RER1: variants seen among roughly 807,000 people sequenced by gnomAD.
RER1 encodes the protein protein RER1.
Under a neutral mutation model 28.3 loss-of-function variants are expected in RER1, and 6 were observed. That is an observed-to-expected ratio of 0.21 (90% CI 0.12 to 0.42). RER1 has a LOEUF of 0.42. Ranked by LOEUF, RER1 falls within the 10% of genes least tolerant of loss-of-function variation. The pLI, the probability that RER1 is intolerant of heterozygous loss-of-function variation, is 1.00. For synonymous variants in RER1, 110 were observed against 95.9 expected (o/e 1.15, Z -0.86); for missense variants, 159 against 252.9 (o/e 0.63, Z 2.52).
At chr1:2,401,385 T>A (rs1175339314) in intron 5 of RER1, among the ~76,000 whole-genome samples, 1 of 40,344 alleles carries the variant, frequency 2.5e-5, no homozygotes, top group Non-Finnish European at 4.5e-5. Flanking sequence ...TCCCTCCTCC[T>A]CCCTCCTCCT....
chr1:2,392,415 G>GT (rs1448301725), intron 1 of RER1, among the ~76,000 whole-genome samples: 1 of 152,248 alleles, frequency 6.6e-6, no homozygotes, highest in Non-Finnish European at 1.5e-5. Context: ...AAGCTCTGGG[G>GT]TGAAGGCGTT....
At chr1:2,402,150 G>A (rs779071254) in intron 5 of RER1, 57 bp from the exon 6 acceptor site, 15 of 1,613,818 alleles carry the variant, frequency 9.3e-6, no homozygotes, top group South Asian at 3.3e-5. Context: ...GGAGGCGGCC[G>A]GCAGGTGCCC....
intron 3 of RER1, among the ~76,000 whole-genome samples, chr1:2,398,755 A>T (rs1053380162): frequency 2.0e-5 from 3 of 152,260 alleles, no homozygotes; most frequent in African/African-American, 7.2e-5. Flanking sequence ...TAATCATTTT[A>T]AAAAATGAAT....
intron 5 of RER1, among the ~76,000 whole-genome samples, chr1:2,401,278 CCCTCCTCCTT>C (rs1642849552): frequency 2.0e-5 from 2 of 100,060 alleles, no homozygotes; most frequent in African/African-American, 3.5e-5. Flanking sequence ...CCTCCCTCCT[CCCTCCTCCTT>C]CCTCCCTCCT....
In RER1 at chr1:2,403,106, C is replaced by T; in HGVS notation, c.573C>T (p.Gly191=). ...GGTACAGAGGCAAGGAGGATGCCGG[C>T]AAGGCCTTCGCCAGCTAGAAGCGGG... The part of the protein sequence containing the change: ...KRRYRGKEDA[G]KAFAS The change falls in exon 7 of 7, where the codon GGC becomes GGT. Residue 191 remains glycine, a synonymous_variant. Transcript: ENST00000605895. 1 of 1,614,070 alleles carries T rather than the reference C, an allele frequency of 6.2e-7. No homozygotes were observed. The highest frequency in any genetic ancestry group is 8.5e-7 in the Non-Finnish European group (1 of 1,179,946).
chr1:2,395,801 G>C lies in RER1; in HGVS notation c.11G>C (p.Gly4Ala). The change falls in exon 2 of 7, where the codon GGG becomes GCG. Residue 4 changes from glycine (G) to alanine (A), a missense_variant. Gly to Ala is a moderately conservative substitution (Grantham distance 60, BLOSUM62 0). Coordinates refer to ENST00000605895, the MANE Select transcript of RER1 (RefSeq NM_007033.5). The part of the protein sequence containing the change: MSE[G>A]DSVGESVHGK... The stretch of plus-strand genomic sequence containing the variant: ...TCTCCCAGTTACAGAATGTCTGAAG[G>C]GGACAGTGTGGGAGAATCCGTCCAT... 1 of 1,612,986 alleles carries C rather than the reference G, an allele frequency of 6.2e-7. No homozygotes were observed. Among genetic ancestry groups the C allele is most frequent in the Non-Finnish European group, 8.5e-7 (1 of 1,178,912 alleles).
intron 6 of RER1, 130 bp from the exon 7 acceptor site, chr1:2,402,905 C>T (rs1465956611): frequency 6.9e-6 from 5 of 726,094 alleles, no homozygotes; most frequent in Non-Finnish European, 1.2e-5. Context: ...CGCAGGAAGC[C>T]ACTGGGGCTC....
intron 1 of RER1, among the ~76,000 whole-genome samples, chr1:2,392,869 G>T (rs561278775): frequency 3.3e-5 from 5 of 152,316 alleles, no homozygotes; most frequent in South Asian, 2.1e-4. Context: ...CTGGAATGTG[G>T]CCTTGGGAAG....
chr1:2,392,602 C>T (rs1029708382), intron 1 of RER1, among the ~76,000 whole-genome samples: 1 of 152,360 alleles, frequency 6.6e-6, no homozygotes, highest in Non-Finnish European at 1.5e-5. Context: ...GCCTAAGTAC[C>T]TTCAGTGGGC....
chr1:2,395,685 T>C, intron 1 of RER1, 99 bp from the exon 2 acceptor site: 2 of 840,174 alleles, frequency 2.4e-6, no homozygotes, highest in Non-Finnish European at 4.1e-6. Flanking sequence ...AAATACTGAA[T>C]GTGGAAGAAA....
chr1:2,401,860 C>T, intron 5 of RER1: 1 of 640,760 alleles, frequency 1.6e-6, no homozygotes, highest in Non-Finnish European at 2.6e-6. Context: ...GGTGAAGGCC[C>T]TGGATGGTCC....
At chr1:2,393,150 T>C (rs1642714054) in intron 1 of RER1, 2 of 41,676 alleles carry the variant, frequency 4.8e-5, no homozygotes, top group South Asian at 1.7e-3. Context: ...TTCTGGCACG[T>C]CCTCATGGTC....
At chr1:2,399,013 G>A (rs1471122702) in intron 3 of RER1, among the ~76,000 whole-genome samples, 1 of 152,218 alleles carries the variant, frequency 6.6e-6, no homozygotes, top group East Asian at 1.9e-4. Flanking sequence ...AGCTGCTCCT[G>A]GGTGGGGCTC....
rs920634712 is a variant in RER1 at position 2,404,133 on chromosome 1, A to C, written c.*1009A>C. On this transcript the variant is annotated 3_prime_UTR_variant, in exon 7 of 7. Coordinates refer to ENST00000605895, the MANE Select transcript of RER1 (RefSeq NM_007033.5). ...AGATGAGACACTGACATGCGAGTGAAGGCCTCTCCTCCTGGGCCCCGGGCT... is the reference window on the plus strand; with the variant it reads ...AGATGAGACACTGACATGCGAGTGACGGCCTCTCCTCCTGGGCCCCGGGCT... The C allele has an allele frequency of 6.6e-6, 1 of 152,162 alleles. No homozygotes were observed. Among genetic ancestry groups the C allele is most frequent in the African/African-American group, 2.4e-5 (1 of 41,460 alleles). The allele number at this position is 152,162 out of a possible 1,614,324, so 9.4% of individuals were successfully genotyped here. A position where few individuals can be genotyped will look rare whatever the true frequency, so the allele number is the denominator to read the frequency against.
In RER1 at chr1:2,404,613, C is replaced by G. The variant is rs1030315714; in HGVS notation, c.*1489C>G. On this transcript the variant is annotated 3_prime_UTR_variant, in exon 7 of 7. Transcript: ENST00000605895. ...CCTCCTCCGTCTCTGGCAAGCTGAC[C>G]TTGACTAACCCAGGAATACAGGGTC... The G allele has an allele frequency of 6.6e-6, 1 of 152,284 alleles. No individual in the cohort carries two copies. The highest frequency in any genetic ancestry group is 2.1e-4 in the South Asian group (1 of 4,838). The allele number at this position is 152,284 out of a possible 1,614,324, so 9.4% of individuals were successfully genotyped here. A position where few individuals can be genotyped will look rare whatever the true frequency, so the allele number is the denominator to read the frequency against.
chr1:2,397,979 A>T (rs956163993), intron 3 of RER1, among the ~76,000 whole-genome samples: 32 of 152,082 alleles, frequency 2.1e-4, no homozygotes, highest in Non-Finnish European at 2.5e-4. Context: ...CACACACCTT[A>T]ATTTATTTAT....
rs1642907692 is a variant in RER1, at chr1:2,403,589, G to C, written c.*465G>C. 2 of 170,638 alleles carry C rather than the reference G, an allele frequency of 1.2e-5. No homozygotes were observed. Among genetic ancestry groups the C allele is most frequent in the East Asian group, 1.8e-4 (1 of 5,660 alleles). 10.6% of individuals were successfully genotyped at this position (170,638 alleles called of 1,614,324 possible). On this transcript the variant is annotated 3_prime_UTR_variant, in exon 7 of 7. Transcript: ENST00000605895. Reference sequence around the variant, plus strand: ...GTCCGAAAGAACTTAACGTTTTAAAGGTGATTGTCAAGTAACTGTGTGGGG... The same window carrying C: ...GTCCGAAAGAACTTAACGTTTTAAACGTGATTGTCAAGTAACTGTGTGGGG...
chr1:2,397,403 T>C (rs1032822878), intron 3 of RER1, among the ~76,000 whole-genome samples, 183 bp downstream of exon 3: 1 of 152,222 alleles, frequency 6.6e-6, no homozygotes, highest in African/African-American at 2.4e-5. Context: ...TTGTTTATGA[T>C]TCACCCGGAG....
rs1642916456 is a variant in RER1 at position 2,403,987 on chromosome 1, A to C, written c.*863A>C. 1 of 152,168 alleles carries C rather than the reference A, an allele frequency of 6.6e-6. No individual in the cohort carries two copies. The highest frequency in any genetic ancestry group is 2.4e-5 in the African/African-American group (1 of 41,428). The allele number at this position is 152,168 out of a possible 1,614,324, so 9.4% of individuals were successfully genotyped here. On this transcript the variant is annotated 3_prime_UTR_variant, in exon 7 of 7. Coordinates refer to ENST00000605895, the MANE Select transcript of RER1 (RefSeq NM_007033.5). ...CGTTTTACCAAGTGATTTTACCTCC[A>C]CCTTTACTAAAGTCTTTACCTAAAA...
Sources: allele counts gnomAD v4.1 joint callset (sites outside exome capture counted in the v4.1 genomes callset), GRCh38; gene constraint gnomAD v4.1.1; transcripts MANE v1.5; gene names NCBI Gene and HGNC (gene_info 2026-07-23, HGNC 2026-07-21).